BICDL1: variants seen among roughly 807,000 people sequenced by gnomAD.
BICDL1 encodes the protein BICD family-like cargo adapter 1.
A neutral mutation model predicts 76.8 loss-of-function variants in BICDL1; 20 were observed. The ratio of observed to expected loss-of-function variants is 0.26; its 90% CI spans 0.18 to 0.38. The LOEUF (loss-of-function observed/expected upper bound fraction) is 0.38, where lower values mean the gene tolerates loss of function less well. Ranked by LOEUF, BICDL1 falls within the 10% of genes least tolerant of loss-of-function variation. The pLI is 1.00. For synonymous variants in BICDL1, 383 were observed against 337.1 expected (o/e 1.14, Z -1.49); for missense variants, 700 against 798.6 (o/e 0.88, Z 1.49).
intron 2 of BICDL1, among the ~76,000 whole-genome samples, chr12:120,037,747 C>G (rs1186027310): frequency 1.3e-5 from 2 of 152,180 alleles, no homozygotes; most frequent in African/African-American, 4.8e-5. Context: ...TGTTTAAAAT[C>G]ATAAAGACAT....
intron 2 of BICDL1, among the ~76,000 whole-genome samples, chr12:120,022,564 A>G (rs1952206956): frequency 6.6e-6 from 1 of 151,512 alleles, no homozygotes; most frequent in Admixed American, 6.6e-5. Context: ...AGTTTGAACA[A>G]ATTAGCTTTA....
At position 120,044,884 on chromosome 12, in the gene BICDL1, A is replaced by T. The variant is rs1302950315; in HGVS notation, c.646-16826A>T. Among the ~76,000 whole-genome samples, 5 of 152,276 alleles carry T rather than the reference A, an allele frequency of 3.3e-5. No individual in the cohort carries two copies. In the South Asian group the frequency reaches 8.3e-4, roughly 25 times the overall value. On this transcript the variant is annotated intron_variant, in intron 2 of 9. Transcript: ENST00000548673. ...CTTTTGGCGTAGGATTGACTTGGCG[A>T]TGCGGGCTCTTTTTTGGTTCCATAT... is the stretch of plus-strand genomic sequence containing the variant.
At chr12:119,998,842 GAGA>G in intron 2 of BICDL1, 106 bp downstream of exon 2, 1 of 1,115,944 alleles carries the variant, frequency 9.0e-7, no homozygotes, top group Non-Finnish European at 1.3e-6. Flanking sequence ...GCCAAGGTGG[GAGA>G]AGCACTTCAG....
intron 2 of BICDL1, among the ~76,000 whole-genome samples, chr12:120,048,206 G>C (rs1026754322): frequency 1.2e-4 from 18 of 151,740 alleles, no homozygotes; most frequent in Non-Finnish European, 7.4e-5. Flanking sequence ...AAGAGGGAGA[G>C]GTCTCACTGT....
At chr12:120,043,466 T>C (rs1952684011) in intron 2 of BICDL1, among the ~76,000 whole-genome samples, 1 of 152,200 alleles carries the variant, frequency 6.6e-6, no homozygotes, top group South Asian at 2.1e-4. Context: ...AGTCATGGGT[T>C]CTGAGTATTA....
chr12:120,090,605 T>G, intron 9 of BICDL1: 1 of 351,168 alleles, frequency 2.8e-6, no homozygotes, highest in South Asian at 2.2e-5. Context: ...TGGACTGGGC[T>G]GTGGCTGGCT....
chr12:120,043,894 C>T (rs1341598266), intron 2 of BICDL1, among the ~76,000 whole-genome samples: 5 of 152,186 alleles, frequency 3.3e-5, no homozygotes, highest in Non-Finnish European at 7.3e-5. Flanking sequence ...TAAGTCTTTT[C>T]CAGTCTAAGA....
chr12:120,094,087 C>A lies in BICDL1; in HGVS notation c.*926C>A. 1 of 411,656 alleles carries A rather than the reference C, an allele frequency of 2.4e-6. No homozygotes were observed. The highest frequency in any genetic ancestry group is 4.9e-6 in the Non-Finnish European group (1 of 205,040). 25.5% of individuals were successfully genotyped at this position (411,656 alleles called of 1,614,324 possible). Reference sequence around the variant, plus strand: ...CACCTTGAGGGCAGCACAGGCACCACGGGGTGGAGGGGAGGGGGAGGCTGC... The same window carrying A: ...CACCTTGAGGGCAGCACAGGCACCAAGGGGTGGAGGGGAGGGGGAGGCTGC... On this transcript the variant is annotated 3_prime_UTR_variant, in exon 10 of 10. Coordinates refer to ENST00000548673, the MANE Select transcript of BICDL1 (RefSeq NM_001367886.1).
chr12:120,054,032 C>T (rs1044106399), intron 2 of BICDL1, among the ~76,000 whole-genome samples: 1 of 151,654 alleles, frequency 6.6e-6, no homozygotes, highest in Non-Finnish European at 1.5e-5. Flanking sequence ...AAAAATAAGC[C>T]AGGCATGGTG....
intron 1 of BICDL1, among the ~76,000 whole-genome samples, chr12:119,992,076 C>G (rs1310379907): frequency 6.6e-6 from 1 of 152,160 alleles, no homozygotes; most frequent in African/African-American, 2.4e-5. Flanking sequence ...ATATACTTAA[C>G]ATATACTTAC....
intron 2 of BICDL1, among the ~76,000 whole-genome samples, chr12:120,014,813 G>A (rs1192687257): frequency 6.6e-6 from 1 of 151,318 alleles, no homozygotes; most frequent in African/African-American, 2.4e-5. Context: ...GGGCAACATG[G>A]TGAGACTCCC....
Position 119,989,979 on chromosome 12 carries a change from C to T in BICDL1, c.111C>T (p.Pro37=), listed in dbSNP as rs1286266087. Residue 37 remains proline (P), a synonymous_variant, in exon 1 of 10, where the codon CCC becomes CCT. Coordinates refer to ENST00000548673, the MANE Select transcript of BICDL1 (RefSeq NM_001367886.1). ...CGGCCGGGGACGCAGTCCGGAGTCC[C>T]GCCGCCGCCGCCGCCCTCATCTTCC... is the stretch of plus-strand genomic sequence containing the variant. The part of the protein sequence containing the change: ...PAAAGDAVRS[P]AAAAALIFPG... 1 of 1,400,582 alleles carries T rather than the reference C, an allele frequency of 7.1e-7. No homozygotes were observed. The highest frequency in any genetic ancestry group is 9.3e-7 in the Non-Finnish European group (1 of 1,074,698). The allele number at this position is 1,400,582 out of a possible 1,614,324, so 86.8% of individuals were successfully genotyped here.
At chr12:120,037,093 G>T (rs1480872051) in intron 2 of BICDL1, among the ~76,000 whole-genome samples, 1 of 152,098 alleles carries the variant, frequency 6.6e-6, no homozygotes, top group Admixed American at 6.5e-5. Flanking sequence ...TTTCACTTGG[G>T]TTTCATGTCC....
intron 7 of BICDL1, among the ~76,000 whole-genome samples, chr12:120,077,606 G>A (rs1336611677): frequency 6.6e-6 from 1 of 152,104 alleles, no homozygotes; most frequent in African/African-American, 2.4e-5. Context: ...CTCCAGAAGG[G>A]GCATGAACAT....
chr12:120,009,354 G>A (rs1951910521), intron 2 of BICDL1, among the ~76,000 whole-genome samples: 1 of 152,106 alleles, frequency 6.6e-6, no homozygotes, highest in Non-Finnish European at 1.5e-5. Flanking sequence ...GGTTGTGTGG[G>A]CTACAAGTAT....
intron 8 of BICDL1, among the ~76,000 whole-genome samples, chr12:120,081,761 A>G (rs1874011371): frequency 6.6e-6 from 1 of 151,698 alleles, no homozygotes; most frequent in Non-Finnish European, 1.5e-5. Flanking sequence ...AATAGAAGAT[A>G]TAAGATGACT....
rs768347511 is a variant in BICDL1, at chr12:120,094,128, G to GCTGC, written c.*980_*983dup. 325 of 438,690 alleles carry GCTGC rather than the reference G, an allele frequency of 7.4e-4. No individual in the cohort carries two copies. The highest frequency in any genetic ancestry group is 4.8e-3 in the Middle Eastern group (14 of 2,914). The allele number at this position is 438,690 out of a possible 1,614,324, so 27.2% of individuals were successfully genotyped here. On this transcript the variant is annotated 3_prime_UTR_variant, in exon 10 of 10. Coordinates refer to ENST00000548673, the MANE Select transcript of BICDL1 (RefSeq NM_001367886.1). ...GGGAGGCTGCCGGAAGCCTCCAGAT[G>GCTGC]CTGCCTGCCTGCCTGCAGAAGCCTG...
Position 119,998,697 on chromosome 12 carries a change from G to A in BICDL1, c.606G>A (p.Leu202=). The change falls in exon 2 of 10, where the codon CTG becomes CTA. Residue 202 remains leucine, a synonymous_variant. Transcript: ENST00000548673. ...AAAAATCACGGGCTGTCCAGGAACT[G>A]TCGGAACAGAACCAAAGGCTATTGG... is the stretch of plus-strand genomic sequence containing the variant. ...DREKSRAVQE[L]SEQNQRLLDQ... 1.2e-6 allele frequency: 2 copies of A among 1,614,160 alleles called. No homozygotes were observed. The highest frequency in any genetic ancestry group is 8.5e-7 in the Non-Finnish European group (1 of 1,180,022).
chr12:120,012,263 C>T lies in BICDL1; in HGVS notation c.645+13527C>T, dbSNP rs112032637. On this transcript the variant is annotated intron_variant, in intron 2 of 9. Transcript: ENST00000548673. Reference sequence around the variant, plus strand: ...AGGTACTTTCCCTGCACACGACTGACGGTGTGGGGAATGAGGAGGTGTTTA... The same window carrying T: ...AGGTACTTTCCCTGCACACGACTGATGGTGTGGGGAATGAGGAGGTGTTTA... Among the ~76,000 whole-genome samples the T allele has an allele frequency of 9.8e-4, 149 of 152,268 alleles. 1 individual carries two copies. The highest frequency in any genetic ancestry group is 3.4e-3 in the African/African-American group (143 of 41,544).
Sources: gnomAD v4.1 joint callset for allele counts (sites outside exome capture counted in the v4.1 genomes callset) on GRCh38, gnomAD v4.1.1 for gene constraint, MANE v1.5 for transcripts, NCBI Gene and HGNC (gene_info 2026-07-23, HGNC 2026-07-21) for gene names.